The following CREB5 variants were observed in gnomAD, a reference collection of about 807,000 sequenced individuals.
CREB5 encodes the protein cyclic AMP-responsive element-binding protein 5.
A neutral mutation model predicts 57.1 loss-of-function variants in CREB5; 19 were observed. The ratio of observed to expected loss-of-function variants is 0.33; its 90% CI spans 0.23 to 0.49. CREB5 has a LOEUF of 0.49. Ranked by LOEUF, CREB5 falls within the 20% of genes least tolerant of loss-of-function variation. The pLI is 0.99. For missense variants in CREB5, 579 were observed against 671.6 expected (o/e 0.86, Z 1.52); for synonymous variants, 238 against 238.3 (o/e 1.00, Z 0.01).
chr7:28,808,712 CTTTTTTTTTT>C (rs59374546), intron 8 of CREB5, among the ~76,000 whole-genome samples: 3 of 83,194 alleles, frequency 3.6e-5, no homozygotes, highest in South Asian at 5.3e-4. Context: ...CCAATTTTTC[CTTTTTTTTTT>C]TTTTTTTTTT....
intron 4 of CREB5, among the ~76,000 whole-genome samples, chr7:28,568,696 G>T (rs144012121): frequency 6.6e-6 from 1 of 152,114 alleles, no homozygotes; most frequent in African/African-American, 2.4e-5. Flanking sequence ...GTCCCACAAC[G>T]ACACAGTAGG....
At chr7:28,491,228 G>T in intron 2 of CREB5, 1 of 985,502 alleles carries the variant, frequency 1.0e-6, no homozygotes, top group Non-Finnish European at 1.2e-6. Context: ...CCGAGCTGGA[G>T]TTTGTCAAGA....
intron 5 of CREB5, among the ~76,000 whole-genome samples, chr7:28,677,097 T>C (rs1384665322): frequency 6.6e-6 from 1 of 152,196 alleles, no homozygotes; most frequent in Non-Finnish European, 1.5e-5. Context: ...ATACTTTTTA[T>C]CTTAAAATAG....
chr7:28,580,649 C>T lies in CREB5; in HGVS notation c.464+10112C>T, dbSNP rs141139151. On this transcript the variant is annotated intron_variant, in intron 5 of 10. Coordinates refer to ENST00000357727, the MANE Select transcript of CREB5 (RefSeq NM_182898.4). ...AGTGTGTGAAACTTTGGCTACCCCACCTGAAGCCACAGACAAACAGCCTTA... is the reference window on the plus strand; with the variant it reads ...AGTGTGTGAAACTTTGGCTACCCCATCTGAAGCCACAGACAAACAGCCTTA... 4.1e-3 allele frequency among the ~76,000 whole-genome samples: 624 copies of T among 151,384 alleles called. 2 individuals are homozygous for T. Among genetic ancestry groups the T allele is most frequent in the Non-Finnish European group, 6.2e-3 (421 of 67,826 alleles).
In CREB5 at chr7:28,412,618, A is replaced by T; in HGVS notation, c.-297A>T. 1 of 302,510 alleles carries T rather than the reference A, an allele frequency of 3.3e-6. No homozygotes were observed. The highest frequency in any genetic ancestry group is 6.0e-6 in the Non-Finnish European group (1 of 165,548). The allele number at this position is 302,510 out of a possible 1,614,324, so 18.7% of individuals were successfully genotyped here. A position where few individuals can be genotyped will look rare whatever the true frequency, so the allele number is the denominator to read the frequency against. ...TTTTCCATGTCAGTTAAATCTAGGG[A>T]GTTCAAGACTACTGGAAAAATTAGT... is the stretch of plus-strand genomic sequence containing the variant. On this transcript the variant is annotated 5_prime_UTR_variant, in exon 1 of 11. Coordinates refer to ENST00000357727, the MANE Select transcript of CREB5 (RefSeq NM_182898.4).
At chr7:28,592,366 AAG>A (rs1224317819) in intron 5 of CREB5, among the ~76,000 whole-genome samples, 10 of 152,246 alleles carry the variant, frequency 6.6e-5, no homozygotes, top group African/African-American at 1.9e-4. Context: ...AGAATGCAGA[AAG>A]AGAGACCGGT....
At chr7:28,514,727 G>A (rs1269760709) in intron 4 of CREB5, among the ~76,000 whole-genome samples, 2 of 152,180 alleles carry the variant, frequency 1.3e-5, no homozygotes, top group Non-Finnish European at 2.9e-5. Flanking sequence ...GCTATGACAG[G>A]ACATTTGTTC....
intron 5 of CREB5, among the ~76,000 whole-genome samples, chr7:28,667,345 A>C (rs959054443): frequency 1.7e-4 from 25 of 151,268 alleles, no homozygotes; most frequent in Non-Finnish European, 8.8e-5. Flanking sequence ...TTAAAATGCT[A>C]TGTGACCCCT....
chr7:28,770,295 A>G (rs1042656123), intron 7 of CREB5, among the ~76,000 whole-genome samples: 10 of 152,184 alleles, frequency 6.6e-5, no homozygotes, highest in African/African-American at 2.4e-4. Flanking sequence ...TTTCTTGGGC[A>G]TCTATGAAAG....
chr7:28,715,890 C>G (rs1240403896), intron 5 of CREB5, among the ~76,000 whole-genome samples: 1 of 152,056 alleles, frequency 6.6e-6, no homozygotes, highest in Non-Finnish European at 1.5e-5. Context: ...CCAAGGGAAC[C>G]TAGTACCCTG....
chr7:28,737,571 ATATATATATATAT>A (rs1562606717), intron 7 of CREB5, among the ~76,000 whole-genome samples: 6,161 of 59,928 alleles, frequency 0.1, 330 homozygotes, highest in Non-Finnish European at 0.14. Flanking sequence ...ATATATATAT[ATATATATATATAT>A]ATATTTTTAA....
intron 1 of CREB5, among the ~76,000 whole-genome samples, chr7:28,417,167 T>C (rs42720): frequency 0.94 from 142,867 of 152,224 alleles, 67,113 homozygotes; most frequent in East Asian, 0.99. Context: ...TAGTGAGAGC[T>C]GCAAATGTGA....
rs2128811112 is a variant in CREB5, at chr7:28,821,631, C to A, written c.*2352C>A. Reference sequence around the variant, plus strand: ...CAGCTGAATGGTTTAATCTGACTGGCTTCCTAAGAAATGTTTAAGACTCAG... The same window carrying A: ...CAGCTGAATGGTTTAATCTGACTGGATTCCTAAGAAATGTTTAAGACTCAG... On this transcript the variant is annotated 3_prime_UTR_variant, in exon 11 of 11. Coordinates refer to ENST00000357727, the MANE Select transcript of CREB5 (RefSeq NM_182898.4). The A allele has an allele frequency of 6.6e-6, 1 of 152,192 alleles. No individual in the cohort carries two copies. The highest frequency in any genetic ancestry group is 1.5e-5 in the Non-Finnish European group (1 of 68,004). 9.4% of individuals were successfully genotyped at this position (152,192 alleles called of 1,614,324 possible). A position where few individuals can be genotyped will look rare whatever the true frequency, so the allele number is the denominator to read the frequency against.
At chr7:28,457,282 C>T (rs1583485922) in intron 1 of CREB5, among the ~76,000 whole-genome samples, 1 of 152,080 alleles carries the variant, frequency 6.6e-6, no homozygotes, top group African/African-American at 2.4e-5. Flanking sequence ...ACATTCAAAC[C>T]ACAGCACCCG....
At chr7:28,311,613 A>G (rs1437800918) in intron 1 of CREB5, among the ~76,000 whole-genome samples, 1 of 152,146 alleles carries the variant, frequency 6.6e-6, no homozygotes, top group African/African-American at 2.4e-5. Context: ...TTTAATTTTG[A>G]CCAGTTTGCC....
chr7:28,305,196 G>A (rs1469470325), intron 1 of CREB5, among the ~76,000 whole-genome samples: 1 of 152,096 alleles, frequency 6.6e-6, no homozygotes, highest in African/African-American at 2.4e-5. Flanking sequence ...TTCTTCTGGG[G>A]CAGAACTGTC....
chr7:28,633,388 TG>T (rs1798281016), intron 5 of CREB5, among the ~76,000 whole-genome samples: 2 of 152,138 alleles, frequency 1.3e-5, no homozygotes, highest in Admixed American at 6.5e-5. Flanking sequence ...TGTGTGTGTG[TG>T]TGTCTGTGTG....
chr7:28,562,264 C>G (rs1795303599), intron 4 of CREB5, among the ~76,000 whole-genome samples: 1 of 152,188 alleles, frequency 6.6e-6, no homozygotes, highest in Non-Finnish European at 1.5e-5. Flanking sequence ...CATTAAGAAA[C>G]TGACCAGGAA....
intron 1 of CREB5, among the ~76,000 whole-genome samples, chr7:28,475,326 T>A (rs1177104300): frequency 7.8e-6 from 1 of 128,724 alleles, no homozygotes; most frequent in Non-Finnish European, 1.6e-5. Flanking sequence ...ATCCCAGCAG[T>A]TTGGGAGGCT....
Sources: gnomAD v4.1 joint callset for allele counts (sites outside exome capture counted in the v4.1 genomes callset) on GRCh38, gnomAD v4.1.1 for gene constraint, MANE v1.5 for transcripts, NCBI Gene and HGNC (gene_info 2026-07-23, HGNC 2026-07-21) for gene names.